The following GABBR2 variants were observed in gnomAD, a reference collection of about 807,000 sequenced individuals.
GABBR2 encodes the protein G-protein coupled receptor 51.
In GABBR2, 23 loss-of-function variants were observed where a neutral mutation model predicts 105.6. That is an observed-to-expected ratio of 0.22 (90% CI 0.16 to 0.31). GABBR2 has a LOEUF of 0.31. Ranked by LOEUF, GABBR2 falls within the 10% of genes least tolerant of loss-of-function variation. The probability of loss-of-function intolerance (pLI) is 1.00; values close to 1 mark genes in which losing one functional copy is unlikely to be tolerated. For missense variants in GABBR2, 734 were observed against 1,245.5 expected (o/e 0.59, Z 6.18); for synonymous variants, 478 against 499.7 (o/e 0.96, Z 0.58).
chr9:98,653,986 G>A (rs866936500), intron 1 of GABBR2, among the ~76,000 whole-genome samples: 2 of 152,228 alleles, frequency 1.3e-5, no homozygotes, highest in Non-Finnish European at 2.9e-5. Context: ...GAGAGATTAA[G>A]TGACTTGCTC....
chr9:98,414,253 G>A (rs889711773), intron 7 of GABBR2, among the ~76,000 whole-genome samples: 2 of 152,214 alleles, frequency 1.3e-5, no homozygotes, highest in African/African-American at 2.4e-5. Context: ...CCAGGAAGGT[G>A]GCATTTGCAC....
At chr9:98,617,399 A>G (rs183485444) in intron 1 of GABBR2, among the ~76,000 whole-genome samples, 1 of 152,342 alleles carries the variant, frequency 6.6e-6, no homozygotes, top group East Asian at 1.9e-4. Context: ...CTAGACAAGG[A>G]GACGCAAATG....
At chr9:98,634,007 G>A (rs994057895) in intron 1 of GABBR2, among the ~76,000 whole-genome samples, 1 of 152,198 alleles carries the variant, frequency 6.6e-6, no homozygotes, top group African/African-American at 2.4e-5. Context: ...AGAGCACAGA[G>A]GTGAATTTTC....
At chr9:98,644,190 G>A (rs1011050976) in intron 1 of GABBR2, among the ~76,000 whole-genome samples, 1 of 152,166 alleles carries the variant, frequency 6.6e-6, no homozygotes, top group Non-Finnish European at 1.5e-5. Context: ...TGGTGCAGAC[G>A]CCACCCAAAC....
At chr9:98,426,621 TCCA>T (rs1469222185) in intron 7 of GABBR2, among the ~76,000 whole-genome samples, 2 of 152,156 alleles carry the variant, frequency 1.3e-5, no homozygotes, top group Non-Finnish European at 2.9e-5. Context: ...CCCAGATGGC[TCCA>T]CAAGGGAGTT....
chr9:98,385,816 T>G, intron 10 of GABBR2, 44 bp from the exon 11 acceptor site: 2 of 1,516,382 alleles, frequency 1.3e-6, no homozygotes, highest in Non-Finnish European at 1.8e-6. Context: ...ATGGTTAATT[T>G]AGTTATTCCT....
chr9:98,422,553 C>T (rs1041111018), intron 7 of GABBR2, among the ~76,000 whole-genome samples: 1 of 149,262 alleles, frequency 6.7e-6, no homozygotes, highest in African/African-American at 2.5e-5. Context: ...ATGGAGGTGA[C>T]CTAGAGAGAA....
chr9:98,581,085 G>C (rs1287862386), intron 1 of GABBR2: 1 of 152,420 alleles, frequency 6.6e-6, no homozygotes, highest in Non-Finnish European at 1.5e-5. Context: ...GCTCACCGAT[G>C]GTGGAGGCAG....
chr9:98,486,734 G>T (rs1352206307), intron 4 of GABBR2, among the ~76,000 whole-genome samples: 1 of 152,188 alleles, frequency 6.6e-6, no homozygotes, highest in Admixed American at 6.5e-5. Context: ...CCATGACCTG[G>T]GCCAGCGGGC....
chr9:98,518,110 G>A (rs1223984925), intron 3 of GABBR2, among the ~76,000 whole-genome samples: 3 of 152,168 alleles, frequency 2.0e-5, no homozygotes, highest in Non-Finnish European at 2.9e-5. Context: ...GTTAGAGCCC[G>A]TGTGAAGCGG....
At chr9:98,695,392 C>A (rs1466014462) in intron 1 of GABBR2, among the ~76,000 whole-genome samples, 1 of 152,160 alleles carries the variant, frequency 6.6e-6, no homozygotes, top group African/African-American at 2.4e-5. Context: ...ACTGGAGACA[C>A]CAGCCCCAAG....
intron 5 of GABBR2, among the ~76,000 whole-genome samples, chr9:98,477,726 C>T (rs568195187): frequency 6.6e-6 from 1 of 152,170 alleles, no homozygotes; most frequent in Non-Finnish European, 1.5e-5. Context: ...AATTAAGTTT[C>T]CTTTTGCCTC....
chr9:98,391,893 G>T (rs1367693007), intron 9 of GABBR2, among the ~76,000 whole-genome samples: 1 of 152,178 alleles, frequency 6.6e-6, no homozygotes, highest in African/African-American at 2.4e-5. Flanking sequence ...TGGCTGCTGA[G>T]GGCAGAATGG....
intron 17 of GABBR2, among the ~76,000 whole-genome samples, chr9:98,296,339 G>C (rs1444535398): frequency 6.6e-6 from 1 of 152,146 alleles, no homozygotes; most frequent in Non-Finnish European, 1.5e-5. Context: ...CCTTGATTTA[G>C]GACTCCCCAG....
intron 4 of GABBR2, among the ~76,000 whole-genome samples, chr9:98,485,244 A>G (rs943008478): frequency 2.0e-5 from 3 of 152,168 alleles, no homozygotes; most frequent in African/African-American, 7.2e-5. Context: ...AGAGGCTACT[A>G]TCACAAGAAA....
intron 1 of GABBR2, among the ~76,000 whole-genome samples, chr9:98,700,027 C>T (rs1393957252): frequency 6.6e-6 from 1 of 152,194 alleles, no homozygotes; most frequent in East Asian, 1.9e-4. Flanking sequence ...GGATGACCAA[C>T]CAGGTGCCTG....
At chr9:98,573,052 C>G (rs909571003) in intron 2 of GABBR2, among the ~76,000 whole-genome samples, 14 of 152,216 alleles carry the variant, frequency 9.2e-5, no homozygotes, top group Admixed American at 4.6e-4. Context: ...GCCCTACAGT[C>G]AGGGCCACAC....
chr9:98,467,726 C>A (rs1455207521), intron 6 of GABBR2, among the ~76,000 whole-genome samples: 1 of 152,186 alleles, frequency 6.6e-6, no homozygotes, highest in African/African-American at 2.4e-5. Context: ...GAAAACATTA[C>A]AAAGTCTTCC....
intron 16 of GABBR2, among the ~76,000 whole-genome samples, chr9:98,299,904 C>T (rs1412226279): frequency 1.3e-5 from 2 of 151,952 alleles, no homozygotes; most frequent in Admixed American, 6.6e-5. Flanking sequence ...ACTCTGTCAC[C>T]CAGATTAGAG....
Sources: allele counts gnomAD v4.1 joint callset (sites outside exome capture counted in the v4.1 genomes callset), GRCh38; gene constraint gnomAD v4.1.1; transcripts MANE v1.5; gene names NCBI Gene and HGNC (gene_info 2026-07-23, HGNC 2026-07-21).